ROBO1: variants seen among roughly 807,000 people sequenced by gnomAD.
ROBO1 encodes the protein roundabout homolog 1.
ROBO1 carries 149 observed loss-of-function variants against 195.9 expected under a neutral mutation model. That is an observed-to-expected ratio of 0.76 (90% CI 0.67 to 0.87). The LOEUF is 0.87. Ranked by LOEUF, ROBO1 falls within the 40% of genes least tolerant of loss-of-function variation. ROBO1 has a pLI of 0.00. For missense variants in ROBO1, 1,933 were observed against 2,068.3 expected, an observed-to-expected ratio of 0.93 and a Z score of 1.27; for synonymous variants, 816 against 733.2, an observed-to-expected ratio of 1.11 and a Z score of -1.82.
intron 3 of ROBO1, among the ~76,000 whole-genome samples, chr3:79,023,537 C>G (rs935228531): frequency 6.6e-6 from 1 of 152,062 alleles, no homozygotes; most frequent in African/African-American, 2.4e-5. Context: ...AACAGTATTA[C>G]TTTTGTTTGT....
At chr3:79,072,201 G>A (rs2079102311) in intron 3 of ROBO1, among the ~76,000 whole-genome samples, 2 of 151,774 alleles carry the variant, frequency 1.3e-5, no homozygotes, top group South Asian at 4.1e-4. Context: ...GATACACAGA[G>A]TAAGCCCCTT....
intron 2 of ROBO1, among the ~76,000 whole-genome samples, chr3:79,250,155 A>C (rs2082694103): frequency 6.6e-6 from 1 of 152,218 alleles, no homozygotes; most frequent in Non-Finnish European, 1.5e-5. Context: ...CAGAAATGTC[A>C]ATCTCATATT....
intron 2 of ROBO1, among the ~76,000 whole-genome samples, chr3:79,216,365 T>C (rs997028729): frequency 6.6e-6 from 1 of 152,078 alleles, no homozygotes; most frequent in Non-Finnish European, 1.5e-5. Context: ...TGTTCTCTTA[T>C]AGTAATATGA....
chr3:79,429,970 C>T (rs1204195921), intron 2 of ROBO1, among the ~76,000 whole-genome samples: 1 of 151,670 alleles, frequency 6.6e-6, no homozygotes, highest in Non-Finnish European at 1.5e-5. Flanking sequence ...AATTGTTATA[C>T]CTTCTTCTTT....
chr3:78,816,030 C>T (rs1446735775), intron 4 of ROBO1, among the ~76,000 whole-genome samples: 1 of 152,090 alleles, frequency 6.6e-6, no homozygotes, highest in Non-Finnish European at 1.5e-5. Context: ...AAACAGCATT[C>T]TATTTTAAAA....
chr3:79,322,051 T>G (rs1326580867), intron 2 of ROBO1, among the ~76,000 whole-genome samples: 1 of 152,170 alleles, frequency 6.6e-6, no homozygotes, highest in Non-Finnish European at 1.5e-5. Context: ...GGTCCAGGGA[T>G]CACAATCTCA....
At chr3:79,612,010 T>C (rs1472069657) in intron 1 of ROBO1, among the ~76,000 whole-genome samples, 1 of 150,780 alleles carries the variant, frequency 6.6e-6, no homozygotes, top group African/African-American at 2.5e-5. Flanking sequence ...CACAATTCTG[T>C]AATGACTATT....
intron 18 of ROBO1, among the ~76,000 whole-genome samples, chr3:78,652,719 A>G (rs1355291276): frequency 6.6e-6 from 1 of 152,216 alleles, no homozygotes; most frequent in Admixed American, 6.5e-5. Flanking sequence ...TGAATAGTCA[A>G]AAGGGCTCAT....
intron 1 of ROBO1, among the ~76,000 whole-genome samples, chr3:79,717,570 A>G (rs1702539825): frequency 6.6e-6 from 1 of 152,008 alleles, no homozygotes; most frequent in African/African-American, 2.4e-5. Flanking sequence ...ATAATTTGAG[A>G]AAACATCATT....
At chr3:79,688,379 T>A (rs549776161) in intron 1 of ROBO1, among the ~76,000 whole-genome samples, 1 of 152,012 alleles carries the variant, frequency 6.6e-6, no homozygotes, top group African/African-American at 2.4e-5. Flanking sequence ...TTTAAAAAAA[T>A]CACACAGCTT....
At chr3:79,000,658 A>G (rs554526882) in intron 3 of ROBO1, among the ~76,000 whole-genome samples, 23 of 152,242 alleles carry the variant, frequency 1.5e-4, no homozygotes, top group African/African-American at 3.4e-4. Flanking sequence ...AAATAGGAAC[A>G]CTTTTACACT....
intron 2 of ROBO1, among the ~76,000 whole-genome samples, chr3:79,154,089 T>C (rs2080817360): frequency 6.6e-6 from 1 of 151,780 alleles, no homozygotes; most frequent in South Asian, 2.1e-4. Flanking sequence ...CTCATTAAAA[T>C]TTAAGGACAG....
chr3:79,294,296 A>T (rs1440743492), intron 2 of ROBO1, among the ~76,000 whole-genome samples: 1 of 152,216 alleles, frequency 6.6e-6, no homozygotes, highest in East Asian at 1.9e-4. Flanking sequence ...ATAATGCCAC[A>T]CATCTACAAC....
intron 3 of ROBO1, among the ~76,000 whole-genome samples, chr3:79,106,725 AT>A (rs933718064): frequency 5.9e-5 from 9 of 151,792 alleles, no homozygotes; most frequent in South Asian, 2.1e-4. Flanking sequence ...TAAAAAAAAA[AT>A]GTAAGTTAAA....
intron 2 of ROBO1, among the ~76,000 whole-genome samples, chr3:79,410,810 T>C (rs1027278257): frequency 6.6e-6 from 1 of 152,142 alleles, no homozygotes; most frequent in African/African-American, 2.4e-5. Context: ...TGTTCCAGCT[T>C]GTGCTGCTTG....
chr3:78,662,333 A>C (rs1317348822), intron 14 of ROBO1, among the ~76,000 whole-genome samples: 6 of 152,110 alleles, frequency 3.9e-5, no homozygotes, highest in African/African-American at 1.4e-4. Context: ...CGCAGAGGAC[A>C]TATATTATAG....
chr3:79,638,121 A>G (rs989637226), intron 1 of ROBO1, among the ~76,000 whole-genome samples: 1 of 152,324 alleles, frequency 6.6e-6, no homozygotes, highest in Admixed American at 6.5e-5. Context: ...AAAGTAAGAC[A>G]AACATTGGAA....
intron 1 of ROBO1, among the ~76,000 whole-genome samples, chr3:79,660,974 C>A (rs1369138135): frequency 6.6e-6 from 1 of 152,076 alleles, no homozygotes; most frequent in Non-Finnish European, 1.5e-5. Context: ...CTTCAGCCTT[C>A]TAATTTCCCT....
intron 3 of ROBO1, among the ~76,000 whole-genome samples, chr3:78,962,985 T>C (rs963510115): frequency 7.9e-5 from 12 of 151,996 alleles, no homozygotes; most frequent in African/African-American, 2.9e-4. Context: ...GACATTAATA[T>C]TCTTAAGAAA....
Sources: allele counts gnomAD v4.1 joint callset (sites outside exome capture counted in the v4.1 genomes callset), GRCh38; gene constraint gnomAD v4.1.1; transcripts MANE v1.5; gene names NCBI Gene and HGNC (gene_info 2026-07-23, HGNC 2026-07-21).